The following ABI2 variants were observed in gnomAD, a reference collection of about 807,000 sequenced individuals.
The protein encoded by ABI2 is abl interactor 2.
A neutral mutation model predicts 59.2 loss-of-function variants in ABI2; 25 were observed. That is an observed-to-expected ratio of 0.42 (90% CI 0.31 to 0.59). ABI2 has a LOEUF of 0.59. Among genes scored for constraint, ABI2 ranks in the 20% least tolerant of loss-of-function variants. ABI2 has a pLI of 0.14. For synonymous variants in ABI2, 213 were observed against 235.5 expected (o/e 0.90, Z 0.87); for missense variants, 545 against 681.8 (o/e 0.80, Z 2.23).
rs75007410 is a variant in ABI2, at chr2:203,348,291, T to C, written c.118-18586T>C. Among the ~76,000 whole-genome samples the C allele has an allele frequency of 6.4e-3, 978 of 152,314 alleles. 4 individuals are homozygous for C. The highest frequency in any genetic ancestry group is 0.058 in the Middle Eastern group (17 of 294). ...TAAATGTAATAAAGGTTAAGCTTAG[T>C]ATTTTAAAGTTTGTTTATTCCTAGG... On this transcript the variant is annotated intron_variant, in intron 1 of 11. Transcript: ENST00000261018.
At chr2:203,389,577 T>C (rs907723226) in intron 4 of ABI2, among the ~76,000 whole-genome samples, 3 of 152,256 alleles carry the variant, frequency 2.0e-5, no homozygotes, top group Non-Finnish European at 4.4e-5. Context: ...AAATGTATTC[T>C]GATTTCAATG....
At chr2:203,343,815 G>T (rs1297447827) in intron 1 of ABI2, among the ~76,000 whole-genome samples, 1 of 152,136 alleles carries the variant, frequency 6.6e-6, no homozygotes, top group Non-Finnish European at 1.5e-5. Flanking sequence ...AAAAGTAACA[G>T]TTTTTGTCCA....
At chr2:203,386,436 T>TTTTTTTG (rs2096520439) in intron 4 of ABI2, 1 of 150,306 alleles carries the variant, frequency 6.7e-6, no homozygotes, top group African/African-American at 2.6e-5. Context: ...GGCTGTTTTT[T>TTTTTTTG]TTTTTTTTTT....
In ABI2 at chr2:203,396,965, C is replaced by T. The variant is rs1368344489; in HGVS notation, c.1031C>T (p.Thr344Ile). The T allele has an allele frequency of 1.1e-5, 17 of 1,495,224 alleles. No individual in the cohort carries two copies. Among genetic ancestry groups the T allele is most frequent in the Non-Finnish European group, 1.5e-5 (17 of 1,127,934 alleles). 92.6% of individuals were successfully genotyped at this position (1,495,224 alleles called of 1,614,324 possible). ...TPPVVSSTPPTGHPVQFYSMN... is the reference protein window; with the variant it reads ...TPPVVSSTPPIGHPVQFYSMN... Reference sequence around the variant, plus strand: ...CCTGTTGTTTCTTCCACTCCCCCTACAGGTAAGTATTTGCTTATTCATTGG... The same window carrying T: ...CCTGTTGTTTCTTCCACTCCCCCTATAGGTAAGTATTTGCTTATTCATTGG... Residue 344 changes from threonine (T) to isoleucine (I), a missense_variant and splice_region_variant, in exon 8 of 12, where the codon ACA (threonine) becomes ATA (isoleucine). Coordinates refer to ENST00000261018, the MANE Select transcript of ABI2 (RefSeq NM_001375670.1).
At chr2:203,333,187 C>A (rs1449838575) in intron 1 of ABI2, among the ~76,000 whole-genome samples, 1 of 152,030 alleles carries the variant, frequency 6.6e-6, no homozygotes, top group Non-Finnish European at 1.5e-5. Flanking sequence ...AATACATGCT[C>A]ATTGTTGAAA....
At chr2:203,411,501 G>A (rs1021641369) in intron 10 of ABI2, 130 bp downstream of exon 10, 18 of 707,438 alleles carry the variant, frequency 2.5e-5, no homozygotes, top group Non-Finnish European at 4.0e-5. Context: ...ATCACTGTCT[G>A]GCTAGTGGAG....
intron 1 of ABI2, among the ~76,000 whole-genome samples, chr2:203,329,985 C>T (rs1375587790): frequency 1.3e-5 from 2 of 152,166 alleles, no homozygotes; most frequent in Non-Finnish European, 2.9e-5. Context: ...CATCCACCCA[C>T]CTCGGCCTCC....
rs75069886 is a variant in ABI2, at chr2:203,414,345, T to C, written c.1280-2563T>C. On this transcript the variant is annotated intron_variant, in intron 10 of 11. Transcript: ENST00000261018. ...TTGAACTCCTGAGCTCAAATGATCC[T>C]CCTGCCTCAGCCTCCCAAAGTGCTG... is the stretch of plus-strand genomic sequence containing the variant. 2.9e-3 allele frequency among the ~76,000 whole-genome samples: 445 copies of C among 152,176 alleles called. 26 individuals carry two copies. In the East Asian group the frequency reaches 0.082, roughly 28 times the overall value.
chr2:203,357,305 G>A (rs1439623622), intron 1 of ABI2, among the ~76,000 whole-genome samples: 1 of 152,142 alleles, frequency 6.6e-6, no homozygotes, highest in Non-Finnish European at 1.5e-5. Context: ...TTATTTAAGA[G>A]CAAGTAAGAT....
At chr2:203,403,068 T>C (rs2153452173) in intron 9 of ABI2, among the ~76,000 whole-genome samples, 1 of 152,292 alleles carries the variant, frequency 6.6e-6, no homozygotes, top group South Asian at 2.1e-4. Context: ...AAATAACAAA[T>C]AATGAAAGTT....
intron 1 of ABI2, among the ~76,000 whole-genome samples, chr2:203,354,566 G>A (rs1206309714): frequency 6.6e-6 from 1 of 152,208 alleles, no homozygotes; most frequent in African/African-American, 2.4e-5. Flanking sequence ...TAGCCAGGGA[G>A]TTTTGTAGAT....
intron 2 of ABI2, among the ~76,000 whole-genome samples, chr2:203,370,303 G>A (rs2095038828): frequency 6.7e-6 from 1 of 150,210 alleles, no homozygotes; most frequent in South Asian, 2.1e-4. Flanking sequence ...GCCCAGGGTG[G>A]TCTTGAACTC....
At chr2:203,375,283 T>C (rs1272706942) in intron 2 of ABI2, among the ~76,000 whole-genome samples, 3 of 152,220 alleles carry the variant, frequency 2.0e-5, no homozygotes, top group African/African-American at 7.2e-5. Flanking sequence ...ACAATAATTA[T>C]ATTAATTGTG....
chr2:203,414,483 C>T (rs1040042745), intron 10 of ABI2, among the ~76,000 whole-genome samples: 1 of 152,172 alleles, frequency 6.6e-6, no homozygotes, highest in Non-Finnish European at 1.5e-5. Flanking sequence ...TTAACTCTTA[C>T]TCTTCCTTCA....
chr2:203,417,240 T>C (rs2097932324), intron 11 of ABI2, among the ~76,000 whole-genome samples, 159 bp downstream of exon 11: 1 of 152,250 alleles, frequency 6.6e-6, no homozygotes, highest in Non-Finnish European at 1.5e-5. Context: ...TTTTGAAAGT[T>C]ACACTAGTAA....
At chr2:203,356,739 A>T (rs955812248) in intron 1 of ABI2, among the ~76,000 whole-genome samples, 9 of 152,140 alleles carry the variant, frequency 5.9e-5, no homozygotes, top group Non-Finnish European at 1.2e-4. Context: ...GGGCTCAAGC[A>T]ATCTTCCTGC....
chr2:203,347,102 C>T (rs2084131037), intron 1 of ABI2, among the ~76,000 whole-genome samples: 1 of 152,156 alleles, frequency 6.6e-6, no homozygotes, highest in Non-Finnish European at 1.5e-5. Context: ...ACATGTGCAT[C>T]AGGTACTTTT....
intron 3 of ABI2, 141 bp from the exon 4 acceptor site, chr2:203,382,046 ATC>A: frequency 1.6e-6 from 1 of 633,584 alleles, no homozygotes; most frequent in African/African-American, 1.9e-5. Context: ...TCTTTCTATG[ATC>A]TACTGAAACA....
intron 1 of ABI2, chr2:203,342,079 TGC>T: frequency 2.8e-6 from 1 of 360,098 alleles, no homozygotes; most frequent in African/African-American, 2.1e-5. Flanking sequence ...ATTTTTTTTT[TGC>T]CTGTTATGTC....
Sources: allele counts gnomAD v4.1 joint callset (sites outside exome capture counted in the v4.1 genomes callset), GRCh38; gene constraint gnomAD v4.1.1; transcripts MANE v1.5; gene names NCBI Gene and HGNC (gene_info 2026-07-23, HGNC 2026-07-21).